The following SLC38A4 variants were observed in gnomAD, a reference collection of about 807,000 sequenced individuals.
SLC38A4 encodes the protein sodium-coupled neutral amino acid transporter 4.
In SLC38A4, 20 loss-of-function variants were observed where a neutral mutation model predicts 63.1. The ratio of observed to expected loss-of-function variants is 0.32; its 90% CI spans 0.22 to 0.46. SLC38A4 has a LOEUF of 0.46. Ranked by LOEUF, SLC38A4 falls within the 20% of genes least tolerant of loss-of-function variation. SLC38A4 has a pLI of 1.00. For missense variants in SLC38A4, 526 were observed against 663.6 expected (o/e 0.79, Z 2.28); for synonymous variants, 230 against 225.5 (o/e 1.02, Z -0.18).
chr12:46,831,848 C>T (rs904860986), intron 1 of SLC38A4, among the ~76,000 whole-genome samples: 10 of 148,608 alleles, frequency 6.7e-5, no homozygotes, highest in Non-Finnish European at 1.3e-4. Flanking sequence ...GAAGTCGGGC[C>T]TCTCAGCCAG....
intron 1 of SLC38A4, among the ~76,000 whole-genome samples, chr12:46,814,856 A>G (rs1047815233): frequency 2.0e-5 from 3 of 151,852 alleles, no homozygotes; most frequent in Non-Finnish European, 4.4e-5. Context: ...AAGCATGCAT[A>G]CATGCTACTT....
intron 5 of SLC38A4, among the ~76,000 whole-genome samples, chr12:46,786,660 C>G (rs941669314): frequency 5.3e-5 from 8 of 151,954 alleles, no homozygotes; most frequent in Non-Finnish European, 1.0e-4. Context: ...TATTAAAATT[C>G]AGATTATTAA....
In SLC38A4 at chr12:46,789,366, A is replaced by C. The variant is rs144978182; in HGVS notation, c.120-748T>G. Among the ~76,000 whole-genome samples the C allele has an allele frequency of 2.5e-3, 384 of 152,324 alleles. 2 individuals are homozygous for C. The highest frequency in any genetic ancestry group is 0.02 in the Middle Eastern group (6 of 294). ...TATTAACAGATAATGAATGAAACTAAGGAAATTATTAAAGCAATTCAATGA... is the reference window on the plus strand; with the variant it reads ...TATTAACAGATAATGAATGAAACTACGGAAATTATTAAAGCAATTCAATGA... On this transcript the variant is annotated intron_variant, in intron 3 of 16. Transcript: ENST00000266579.
chr12:46,816,796 A>G (rs1447254315), intron 1 of SLC38A4, among the ~76,000 whole-genome samples: 1 of 151,924 alleles, frequency 6.6e-6, no homozygotes, highest in African/African-American at 2.4e-5. Flanking sequence ...AAATATTTAT[A>G]ATGGTAGAAA....
chr12:46,767,519 C>T (rs1196551581), intron 16 of SLC38A4, among the ~76,000 whole-genome samples: 1 of 151,870 alleles, frequency 6.6e-6, no homozygotes, highest in African/African-American at 2.4e-5. Context: ...CTGTAAAAAT[C>T]CAAGCAAGAC....
intron 1 of SLC38A4, among the ~76,000 whole-genome samples, chr12:46,813,767 T>C (rs747403406): frequency 1.2e-4 from 19 of 152,056 alleles, no homozygotes; most frequent in Admixed American, 2.0e-4. Flanking sequence ...TTATTTGCCA[T>C]TTCTGTGCCT....
At position 46,778,941 on chromosome 12, in the gene SLC38A4, G is replaced by T. The variant is rs1249269476; in HGVS notation, c.718-165C>A. On this transcript the variant is annotated intron_variant, in intron 10 of 16. Transcript: ENST00000266579. ...AACTTCCTCTAGCCTCTGTTCTAAG[G>T]GAAGAGTTGGAGCTGTGATTGGCAG... Among the ~76,000 whole-genome samples, 5 of 151,912 alleles carry T rather than the reference G, an allele frequency of 3.3e-5. No individual in the cohort carries two copies. The East Asian group carries it at 5.8e-4, about 18-fold the overall frequency.
intron 1 of SLC38A4, among the ~76,000 whole-genome samples, chr12:46,814,528 A>G (rs1939399763): frequency 6.6e-6 from 1 of 151,922 alleles, no homozygotes; most frequent in Admixed American, 6.6e-5. Context: ...GAAGACCCAA[A>G]GATGTACCAC....
At chr12:46,774,971 A>C (rs1276408930) in intron 14 of SLC38A4, 78 bp downstream of exon 14, 1 of 1,503,576 alleles carries the variant, frequency 6.7e-7, no homozygotes, top group African/African-American at 1.4e-5. Context: ...CCTATAATTA[A>C]ATCAAAATGA....
In SLC38A4 at chr12:46,778,692, G is replaced by T; in HGVS notation, c.802C>A (p.Pro268Thr). 1 of 1,612,796 alleles carries T rather than the reference G, an allele frequency of 6.2e-7. No homozygotes were observed. Among genetic ancestry groups the T allele is most frequent in the South Asian group, 1.1e-5 (1 of 91,038 alleles). ...TTGGGTAACATTACCACATGCATTG[G>T]AAGCGTGTTGTTGAATGACAGATTT... ...VGNLSFNNTL[P>T]MHVVMLPNNS... Residue 268 changes from proline (P) to threonine (T), a missense_variant, in exon 11 of 17, where the codon CCA becomes ACA. Transcript: ENST00000266579.
intron 16 of SLC38A4, 116 bp downstream of exon 16, chr12:46,768,194 T>G: frequency 1.4e-6 from 1 of 707,792 alleles, no homozygotes; most frequent in Non-Finnish European, 2.3e-6. Context: ...CTAGCCCAGT[T>G]TTGATTTTTG....
chr12:46,806,548 A>C (rs1298219933), intron 1 of SLC38A4, among the ~76,000 whole-genome samples: 1 of 151,912 alleles, frequency 6.6e-6, no homozygotes, highest in Non-Finnish European at 1.5e-5. Context: ...AGATGGACAA[A>C]ATTTAAATTG....
At chr12:46,773,287 A>G (rs1229446227) in intron 14 of SLC38A4, among the ~76,000 whole-genome samples, 1 of 152,044 alleles carries the variant, frequency 6.6e-6, no homozygotes. Flanking sequence ...TTTCTTCCCA[A>G]GCACGACGGA....
intron 12 of SLC38A4, among the ~76,000 whole-genome samples, chr12:46,777,716 C>A (rs967612681): frequency 6.6e-5 from 10 of 151,998 alleles, no homozygotes; most frequent in Admixed American, 3.9e-4. Context: ...TGTTCCCAAG[C>A]AAATATCAAC....
chr12:46,783,835 C>T (rs755142616), intron 7 of SLC38A4, among the ~76,000 whole-genome samples: 13 of 151,842 alleles, frequency 8.6e-5, no homozygotes, highest in Admixed American at 1.3e-4. Flanking sequence ...AGGAAGCAGC[C>T]GGCAGGACAT....
chr12:46,777,827 G>T lies in SLC38A4; in HGVS notation c.1073+462C>A, dbSNP rs76749942. On this transcript the variant is annotated intron_variant, in intron 12 of 16. Transcript: ENST00000266579. Reference sequence around the variant, plus strand: ...CTATTGTACAAATAAGACAACAAAGGACAGATATTGACACATCTCTTGTAA... The same window carrying T: ...CTATTGTACAAATAAGACAACAAAGTACAGATATTGACACATCTCTTGTAA... 7.2e-5 allele frequency among the ~76,000 whole-genome samples: 11 copies of T among 152,032 alleles called. No individual in the cohort carries two copies. The East Asian group carries it at 2.1e-3, about 30-fold the overall frequency.
intron 2 of SLC38A4, among the ~76,000 whole-genome samples, chr12:46,800,348 T>A (rs2120856572): frequency 1.3e-5 from 2 of 152,262 alleles, no homozygotes; most frequent in Middle Eastern, 6.8e-3. Flanking sequence ...CCTAATACAC[T>A]GGAAGGTCTA....
intron 2 of SLC38A4, among the ~76,000 whole-genome samples, chr12:46,793,992 G>A (rs945834708): frequency 1.3e-5 from 2 of 152,106 alleles, no homozygotes; most frequent in African/African-American, 4.8e-5. Context: ...TCTACTATAT[G>A]TAGTTGATAT....
Position 46,775,143 on chromosome 12 carries a change from T to C in SLC38A4, c.1205A>G (p.Tyr402Cys), listed in dbSNP as rs768338513. 6.2e-7 allele frequency: 1 copy of C among 1,612,220 alleles called. No individual in the cohort carries two copies. The highest frequency in any genetic ancestry group is 1.7e-5 in the Admixed American group (1 of 59,786). The stretch of plus-strand genomic sequence containing the variant: ...GATGTCTAATGTATACACTTTGCTG[T>C]AGGCATGAAGTAATTCATCTTCAAC... ...GEVEDELLHA[Y>C]SKVYTLDIPL... Residue 402 changes from tyrosine to cysteine, a missense_variant, in exon 14 of 17, where the codon TAC becomes TGC. Physicochemically the swap from Tyr to Cys is radical, Grantham distance 194 (BLOSUM62 -2). Transcript: ENST00000266579.
Sources: allele counts gnomAD v4.1 joint callset (sites outside exome capture counted in the v4.1 genomes callset), GRCh38; gene constraint gnomAD v4.1.1; transcripts MANE v1.5; gene names NCBI Gene and HGNC (gene_info 2026-07-23, HGNC 2026-07-21).